The following HAPLN4 variants were observed in gnomAD, a reference collection of about 807,000 sequenced individuals.
The protein encoded by HAPLN4 is brain link protein 2.
In HAPLN4, 19 loss-of-function variants were observed where a neutral mutation model predicts 28.0. The ratio of observed to expected loss-of-function variants is 0.68; its 90% CI spans 0.47 to 1.00. The LOEUF is 1.00. Among genes scored for constraint, HAPLN4 ranks in the 50% least tolerant of loss-of-function variants. The pLI, the probability that HAPLN4 is intolerant of heterozygous loss-of-function variation, is 0.00. For synonymous variants in HAPLN4, 274 were observed against 273.0 expected (o/e 1.00, Z -0.03); for missense variants, 587 against 602.6 (o/e 0.97, Z 0.27).
chr19:19,255,872 G>C lies in HAPLN4; in HGVS notation c.*1945C>G, dbSNP rs909612325. The C allele has an allele frequency of 2.6e-5, 4 of 152,160 alleles. No homozygotes were observed. Among genetic ancestry groups the C allele is most frequent in the Non-Finnish European group, 5.9e-5 (4 of 68,042 alleles). The allele number at this position is 152,160 out of a possible 1,614,324, so 9.4% of individuals were successfully genotyped here. A position where few individuals can be genotyped will look rare whatever the true frequency, so the allele number is the denominator to read the frequency against. On this transcript the variant is annotated 3_prime_UTR_variant, in exon 5 of 5. Coordinates refer to ENST00000291481, the MANE Select transcript of HAPLN4 (RefSeq NM_023002.3). ...GACGTGACAGTAAAGAGGGCCCCAG[G>C]GGGACCCCAGTACTCCTGCAGGCAA... is the stretch of plus-strand genomic sequence containing the variant.
chr19:19,261,598 C>G lies in HAPLN4; in HGVS notation c.4-35G>C, dbSNP rs1472738431. On this transcript the variant is annotated intron_variant, in intron 1 of 4. Coordinates refer to ENST00000291481, the MANE Select transcript of HAPLN4 (RefSeq NM_023002.3). ...GGGCACGGGGCGCTCAGTCCAGCCT[C>G]CCAGCCTTGGCTTTTCGGAGGCCTG... 1.7e-5 allele frequency: 23 copies of G among 1,376,354 alleles called. No individual in the cohort carries two copies. The East Asian group carries it at 6.3e-4, about 38-fold the overall frequency. 85.3% of individuals were successfully genotyped at this position (1,376,354 alleles called of 1,614,324 possible).
In HAPLN4 at chr19:19,261,493, G is replaced by C. The variant is rs1330554872; in HGVS notation, c.74C>G (p.Ala25Gly). 1 of 1,611,922 alleles carries C rather than the reference G, an allele frequency of 6.2e-7. No homozygotes were observed. The highest frequency in any genetic ancestry group is 8.5e-7 in the Non-Finnish European group (1 of 1,179,664). ...AAAWGVLLLT[A>G]PAGAQRGRKK... is the part of the protein sequence containing the mutation. ...CCGGCCACGCTGCGCCCCCGCAGGGGCTGTGAGCAGCAGGACGCCCCAGGC... is the reference window on the plus strand; with the variant it reads ...CCGGCCACGCTGCGCCCCCGCAGGGCCTGTGAGCAGCAGGACGCCCCAGGC... Residue 25 changes from alanine (A) to glycine (G), a missense_variant, in exon 2 of 5, where the codon GCC becomes GGC. By Grantham distance (60) the Ala-to-Gly change is moderately conservative. Coordinates refer to ENST00000291481, the MANE Select transcript of HAPLN4 (RefSeq NM_023002.3).
chr19:19,258,514 C>T lies in HAPLN4; in HGVS notation c.817+9G>A, dbSNP rs545136731. On this transcript the variant is annotated intron_variant, in intron 4 of 4. Transcript: ENST00000291481. This position sits in a 1 kb window ranked among gnomAD's most constrained non-coding sequence, Gnocchi z 6.2. Reference sequence around the variant, plus strand: ...AGCAGAGGCCAGTCTTGGGGTGAGGCCTACGCACCCGGCAGGTTGGACGTG... The same window carrying T: ...AGCAGAGGCCAGTCTTGGGGTGAGGTCTACGCACCCGGCAGGTTGGACGTG... 34 of 1,611,964 alleles carry T rather than the reference C, an allele frequency of 2.1e-5. No homozygotes were observed. The Admixed American group carries it at 3.8e-4, about 18-fold the overall frequency.
chr19:19,258,484 G>C lies in HAPLN4; in HGVS notation c.817+39C>G. On this transcript the variant is annotated intron_variant, in intron 4 of 4. Coordinates refer to ENST00000291481, the MANE Select transcript of HAPLN4 (RefSeq NM_023002.3). The surrounding 1 kb of genome is among the most constrained non-coding windows in gnomAD (Gnocchi z 6.2). ...AAGAAGGCCCCGGGGTTGGGGTAGT[G>C]TTGCAGCAGAGGCCAGTCTTGGGGT... 1 of 1,590,782 alleles carries C rather than the reference G, an allele frequency of 6.3e-7. No homozygotes were observed. The highest frequency in any genetic ancestry group is 8.6e-7 in the Non-Finnish European group (1 of 1,163,522).
Position 19,258,853 on chromosome 19 carries a change from C to A in HAPLN4, c.487G>T (p.Val163Leu). Reference protein sequence around the residue: ...AGMVKLDLEGVVFPYHPRGGR... With the variant: ...AGMVKLDLEGLVFPYHPRGGR... ...CCACGGGGGTGGTAGGGAAAGACCA[C>A]GCCTGGCGGGGGGCGCACGGGATCA... The change falls in exon 4 of 5, where the codon GTG (valine) becomes TTG (leucine). Residue 163 changes from valine to leucine, a missense_variant and splice_region_variant. By Grantham distance (32) the Val-to-Leu change is conservative. Transcript: ENST00000291481. The surrounding 1 kb of genome is among the most constrained non-coding windows in gnomAD (Gnocchi z 6.2). 6.5e-7 allele frequency: 1 copy of A among 1,549,166 alleles called. No individual in the cohort carries two copies. The highest frequency in any genetic ancestry group is 8.7e-7 in the Non-Finnish European group (1 of 1,146,614).
In HAPLN4 at chr19:19,257,485, T is replaced by C; in HGVS notation, c.*332A>G. 3.7e-6 allele frequency: 1 copy of C among 267,718 alleles called. No homozygotes were observed. The allele number at this position is 267,718 out of a possible 1,614,324, so 16.6% of individuals were successfully genotyped here. A position where few individuals can be genotyped will look rare whatever the true frequency, so the allele number is the denominator to read the frequency against. On this transcript the variant is annotated 3_prime_UTR_variant, in exon 5 of 5. Coordinates refer to ENST00000291481, the MANE Select transcript of HAPLN4 (RefSeq NM_023002.3). The stretch of plus-strand genomic sequence containing the variant: ...CGGGGGCAGTTGGTCTGTTTCCAAG[T>C]GGTCTCAGGAGGCGTGGCCAGTCTT...
chr19:19,262,647 AT>A, intron 1 of HAPLN4, 82 bp downstream of exon 1: 3 of 1,452,776 alleles, frequency 2.1e-6, no homozygotes, highest in Non-Finnish European at 2.9e-6. Flanking sequence ...ACTCAGAGGG[AT>A]ATAGATTCAG....
rs1355740902 is a variant in HAPLN4, at chr19:19,256,928, C to G, written c.*889G>C. The G allele has an allele frequency of 6.6e-6, 1 of 152,552 alleles. No homozygotes were observed. The highest frequency in any genetic ancestry group is 1.5e-5 in the Non-Finnish European group (1 of 68,060). The allele number at this position is 152,552 out of a possible 1,614,324, so 9.4% of individuals were successfully genotyped here. On this transcript the variant is annotated 3_prime_UTR_variant, in exon 5 of 5. Coordinates refer to ENST00000291481, the MANE Select transcript of HAPLN4 (RefSeq NM_023002.3). ...GCAGCAGGACTGGTTGCCTTGGTGA[C>G]AGTGGGACCCAAGGCAACTGCTCTG...
chr19:19,261,295 G>A (rs1599833559), intron 2 of HAPLN4, 120 bp from the exon 3 acceptor site: 1 of 1,279,422 alleles, frequency 7.8e-7, no homozygotes, highest in Middle Eastern at 2.1e-4. Context: ...GAATCAGAAG[G>A]GTCCAGGGGC....
At position 19,257,609 on chromosome 19, in the gene HAPLN4, G is replaced by A. The variant is rs1424006585; in HGVS notation, c.*208C>T. 15 of 478,510 alleles carry A rather than the reference G, an allele frequency of 3.1e-5. No homozygotes were observed. Among genetic ancestry groups the A allele is most frequent in the Admixed American group, 4.5e-5 (1 of 22,454 alleles). The allele number at this position is 478,510 out of a possible 1,614,324, so 29.6% of individuals were successfully genotyped here. ...TGGGGGAATCCTCTATCCAGAAGAG[G>A]TGAGGGCTGGCCAGGCTCCAGGGAA... is the stretch of plus-strand genomic sequence containing the variant. On this transcript the variant is annotated 3_prime_UTR_variant, in exon 5 of 5. Transcript: ENST00000291481.
At chr19:19,260,175 G>A (rs1446150931) in intron 3 of HAPLN4, among the ~76,000 whole-genome samples, 3 of 152,112 alleles carry the variant, frequency 2.0e-5, no homozygotes, top group African/African-American at 7.2e-5. Context: ...CCTCATTGTG[G>A]ACATTTTGGA....
chr19:19,261,888 C>T (rs2060984907), intron 1 of HAPLN4, among the ~76,000 whole-genome samples: 2 of 152,076 alleles, frequency 1.3e-5, no homozygotes, highest in African/African-American at 4.8e-5. Flanking sequence ...TGGGGAAGAG[C>T]TGGAGGAGCG....
intron 1 of HAPLN4, 92 bp downstream of exon 1, chr19:19,262,638 C>T: frequency 7.0e-7 from 1 of 1,423,834 alleles, no homozygotes; most frequent in Non-Finnish European, 9.8e-7. Context: ...ACAGAAGAAA[C>T]TCAGAGGGAT....
chr19:19,258,891 C>A lies in HAPLN4; in HGVS notation c.485-36G>T. 6.8e-7 allele frequency: 1 copy of A among 1,471,144 alleles called. No individual in the cohort carries two copies. Among genetic ancestry groups the A allele is most frequent in the South Asian group, 1.4e-5 (1 of 73,604 alleles). 91.1% of individuals were successfully genotyped at this position (1,471,144 alleles called of 1,614,324 possible). On this transcript the variant is annotated intron_variant, in intron 3 of 4. Transcript: ENST00000291481. The surrounding 1 kb of genome is among the most constrained non-coding windows in gnomAD (Gnocchi z 6.2). ...GCGCACGGGATCAGCAGGTACACCCCAGCCCACCCTCATGCACCTGACGTC... is the reference window on the plus strand; with the variant it reads ...GCGCACGGGATCAGCAGGTACACCCAAGCCCACCCTCATGCACCTGACGTC...
rs1163749616 is a variant in HAPLN4 at position 19,261,434 on chromosome 19, G to T, written c.121+12C>A. On this transcript the variant is annotated intron_variant, in intron 2 of 4. Transcript: ENST00000291481. ...TTCGCGGAGAAGACCACTTTTAGCG[G>T]CCCTGACTCACCCAGCACGTGCACG... The T allele has an allele frequency of 1.1e-5, 17 of 1,602,758 alleles. No homozygotes were observed. The highest frequency in any genetic ancestry group is 1.4e-5 in the Non-Finnish European group (16 of 1,170,916).
rs191510510 is a variant in HAPLN4, at chr19:19,256,506, T to C, written c.*1311A>G. 2.0e-5 allele frequency: 3 copies of C among 152,724 alleles called. No individual in the cohort carries two copies. The East Asian group carries it at 5.8e-4, about 29-fold the overall frequency. The allele number at this position is 152,724 out of a possible 1,614,324, so 9.5% of individuals were successfully genotyped here. A position where few individuals can be genotyped will look rare whatever the true frequency, so the allele number is the denominator to read the frequency against. On this transcript the variant is annotated 3_prime_UTR_variant, in exon 5 of 5. Transcript: ENST00000291481. ...CAACAGCTTGGTGAACAGGGCCCCG[T>C]TGTCCACAAGGAAAAGCCTAGGGGG... is the stretch of plus-strand genomic sequence containing the variant.
intron 3 of HAPLN4, among the ~76,000 whole-genome samples, chr19:19,260,297 A>ACCT (rs1568608916): frequency 1.3e-5 from 2 of 151,830 alleles, no homozygotes; most frequent in African/African-American, 4.8e-5. Flanking sequence ...ACTCACCGCA[A>ACCT]CCTCCACCTC....
In HAPLN4 at chr19:19,258,941, C is replaced by T. The variant is rs913200327; in HGVS notation, c.485-86G>A. The T allele has an allele frequency of 1.5e-5, 17 of 1,140,854 alleles. No individual in the cohort carries two copies. In the African/African-American group the frequency reaches 2.5e-4, roughly 17 times the overall value. The allele number at this position is 1,140,854 out of a possible 1,614,324, so 70.7% of individuals were successfully genotyped here. The stretch of plus-strand genomic sequence containing the variant: ...CTGGGGTGCTATGTGACTCTTCAAC[C>T]GGGACCTTTCAGTCCATTCCTCCTC... On this transcript the variant is annotated intron_variant, in intron 3 of 4. Transcript: ENST00000291481. The surrounding 1 kb of genome is among the most constrained non-coding windows in gnomAD (Gnocchi z 6.2).
chr19:19,258,494 A>G lies in HAPLN4; in HGVS notation c.817+29T>C, dbSNP rs968960492. ...CGGGGTTGGGGTAGTGTTGCAGCAGAGGCCAGTCTTGGGGTGAGGCCTACG... is the reference window on the plus strand; with the variant it reads ...CGGGGTTGGGGTAGTGTTGCAGCAGGGGCCAGTCTTGGGGTGAGGCCTACG... On this transcript the variant is annotated intron_variant, in intron 4 of 4. Transcript: ENST00000291481. This position sits in a 1 kb window ranked among gnomAD's most constrained non-coding sequence, Gnocchi z 6.2. The G allele has an allele frequency of 1.9e-6, 3 of 1,603,144 alleles. No individual in the cohort carries two copies. The highest frequency in any genetic ancestry group is 2.6e-6 in the Non-Finnish European group (3 of 1,172,860).
Sources: gnomAD v4.1 joint callset for allele counts (sites outside exome capture counted in the v4.1 genomes callset) on GRCh38, gnomAD v4.1.1 for gene constraint, Gnocchi (gnomAD v3.1) non-coding constraint, MANE v1.5 for transcripts, NCBI Gene and HGNC (gene_info 2026-07-23, HGNC 2026-07-21) for gene names.